Variants in MED17 observed in about 807,000 individuals in gnomAD.
The protein encoded by MED17 is mediator complex subunit 17.
In MED17, 49 loss-of-function variants were observed where a neutral mutation model predicts 80.8. That is an observed-to-expected ratio of 0.61 (90% CI 0.48 to 0.77). The LOEUF (loss-of-function observed/expected upper bound fraction) is 0.77. Among genes scored for constraint, MED17 ranks in the 30% least tolerant of loss-of-function variants. The probability of loss-of-function intolerance (pLI) is 0.00; values close to 1 mark genes in which losing one functional copy is unlikely to be tolerated. For synonymous variants in MED17, 281 were observed against 280.4 expected, an observed-to-expected ratio of 1.00 and a Z score of -0.02; for missense variants, 718 against 787.0, an observed-to-expected ratio of 0.91 and a Z score of 1.05.
At chr11:93,787,893 T>G in intron 1 of MED17, 108 bp from the exon 2 acceptor site, 1 of 954,780 alleles carries the variant, frequency 1.0e-6, no homozygotes, top group Non-Finnish European at 1.7e-6. Context: ...CAATTTGAAA[T>G]TTAATTAATT....
At chr11:93,798,667 A>G (rs915189877) in intron 8 of MED17, among the ~76,000 whole-genome samples, 1 of 152,144 alleles carries the variant, frequency 6.6e-6, no homozygotes, top group Middle Eastern at 3.2e-3. Context: ...CCACTTGCTA[A>G]ATAACTTCGA....
At chr11:93,808,977 A>C (rs1461537674) in intron 10 of MED17, 1 of 153,710 alleles carries the variant, frequency 6.5e-6, no homozygotes, top group Non-Finnish European at 1.4e-5. Flanking sequence ...CTTAACAAGA[A>C]ATAGGTGGCA....
chr11:93,787,934 G>C, intron 1 of MED17, 67 bp from the exon 2 acceptor site: 1 of 1,323,844 alleles, frequency 7.6e-7, no homozygotes, highest in Non-Finnish European at 1.1e-6. Flanking sequence ...TTAAACCTAA[G>C]TGAGCTGTCT....
rs548230101 is a variant in MED17, at chr11:93,803,567, T to G, written c.1466+1595T>G. On this transcript the variant is annotated intron_variant, in intron 9 of 11. Transcript: ENST00000251871. ...GATGAAACAAGTTTGGATTGCATTT[T>G]TAACTTAAGAATGGGTGATGGGATT... Among the ~76,000 whole-genome samples, 11 of 152,306 alleles carry G rather than the reference T, an allele frequency of 7.2e-5. No homozygotes were observed. In the South Asian group the frequency reaches 2.3e-3, roughly 32 times the overall value.
chr11:93,793,526 T>A (rs79191419), intron 3 of MED17: 4 of 506,854 alleles, frequency 7.9e-6, no homozygotes, highest in Non-Finnish European at 1.0e-5. Flanking sequence ...TTTTTTTTTT[T>A]AAGGTAAATA....
chr11:93,789,768 A>G (rs1941729395), intron 2 of MED17: 1 of 146,958 alleles, frequency 6.8e-6, no homozygotes. Flanking sequence ...AGACTTTCCC[A>G]GGCAACATAG....
chr11:93,809,608 C>A, intron 10 of MED17, 109 bp from the exon 11 acceptor site: 1 of 1,099,542 alleles, frequency 9.1e-7, no homozygotes, highest in Non-Finnish European at 1.4e-6. Context: ...GATAGGGTTG[C>A]TGTAGTAGTC....
chr11:93,807,219 C>T (rs1255682974), intron 9 of MED17: 1 of 315,118 alleles, frequency 3.2e-6, no homozygotes, highest in African/African-American at 2.2e-5. Flanking sequence ...TGAGACCAGC[C>T]TGGCCAACAT....
intron 10 of MED17, chr11:93,807,961 A>T: frequency 2.9e-6 from 1 of 346,014 alleles, no homozygotes; most frequent in Non-Finnish European, 5.5e-6. Flanking sequence ...GAGTTGTTGT[A>T]GAAAGTGAAG....
chr11:93,788,956 T>A (rs1331242600), intron 2 of MED17: 1 of 152,160 alleles, frequency 6.6e-6, no homozygotes, highest in Non-Finnish European at 1.5e-5. Context: ...GGCGAAATTA[T>A]GGAGCATATT....
intron 2 of MED17, chr11:93,790,373 T>G (rs2135711047): frequency 1.7e-6 from 1 of 602,854 alleles, no homozygotes; most frequent in East Asian, 3.2e-5. Flanking sequence ...CATTGTAGTG[T>G]TTTTGGTTTA....
rs1943789103 is a variant in MED17, at chr11:93,788,165, C to T, written c.415C>T (p.Gln139Ter). Residue 139 changes from glutamine (Q) to a stop codon, truncating the protein, a stop_gained and splice_region_variant, in exon 2 of 12, where the codon CAG (glutamine) becomes TAG (stop). Transcript: ENST00000251871. LOFTEE classifies it high-confidence loss of function. ...CTCTCAGGATGCACTTCCTCCAAAACAGGTATTTGTGGACTTTAATTGAAT... is the reference window on the plus strand; with the variant it reads ...CTCTCAGGATGCACTTCCTCCAAAATAGGTATTTGTGGACTTTAATTGAAT... Reference protein sequence around the residue: ...PVSQDALPPKQNPQTLQLISK... With the variant: ...PVSQDALPPK The T allele has an allele frequency of 1.2e-6, 2 of 1,611,744 alleles. No homozygotes were observed. Among genetic ancestry groups the T allele is most frequent in the African/African-American group, 1.3e-5 (1 of 74,990 alleles).
At chr11:93,807,260 A>G (rs1024648031) in intron 9 of MED17, 2 of 383,682 alleles carry the variant, frequency 5.2e-6, no homozygotes, top group East Asian at 6.0e-5. Context: ...AAAAATAACA[A>G]AAATTAGCCG....
chr11:93,801,430 G>A (rs1305587421), intron 8 of MED17: 6 of 208,946 alleles, frequency 2.9e-5, no homozygotes, highest in Non-Finnish European at 5.9e-5. Flanking sequence ...AGATGTGGGT[G>A]TGTCCCAAGT....
chr11:93,807,845 T>C, intron 10 of MED17: 1 of 570,108 alleles, frequency 1.8e-6, no homozygotes. Flanking sequence ...GGTTTTCACA[T>C]AGTTTATGTT....
intron 1 of MED17, among the ~76,000 whole-genome samples, chr11:93,786,766 G>A (rs1009359884): frequency 6.6e-6 from 1 of 152,114 alleles, no homozygotes; most frequent in African/African-American, 2.4e-5. Flanking sequence ...ACTGCACCCA[G>A]CCGAAACTTT....
intron 9 of MED17, 137 bp from the exon 10 acceptor site, chr11:93,807,381 C>G: frequency 1.5e-6 from 1 of 663,786 alleles, no homozygotes; most frequent in Non-Finnish European, 2.7e-6. Context: ...CCACTGCACT[C>G]CAGCCTGGGC....
intron 3 of MED17, chr11:93,793,085 C>T (rs1356286150): frequency 7.0e-6 from 1 of 143,112 alleles, no homozygotes; most frequent in East Asian, 2.1e-4. Flanking sequence ...GTATTTCATC[C>T]CCAAGGTTTC....
chr11:93,803,650 CT>C (rs1943985537), intron 9 of MED17, among the ~76,000 whole-genome samples: 1 of 152,008 alleles, frequency 6.6e-6, no homozygotes, highest in Admixed American at 6.6e-5. Flanking sequence ...GCCAGTAAGC[CT>C]TTTGCCCTCC....
Sources: allele counts gnomAD v4.1 joint callset (sites outside exome capture counted in the v4.1 genomes callset), GRCh38; gene constraint gnomAD v4.1.1; transcripts MANE v1.5; gene names NCBI Gene and HGNC (gene_info 2026-07-23, HGNC 2026-07-21).